The following DPYD variants were observed in gnomAD, a reference collection of about 807,000 sequenced individuals.
The protein encoded by DPYD is dihydropyrimidine dehydrogenase [NADP(+)].
DPYD carries 109 observed loss-of-function variants against 116.2 expected under a neutral mutation model. The observed-to-expected ratio is 0.94, with a 90% confidence interval of 0.80 to 1.10. The LOEUF is 1.10. DPYD is among the 50% of genes least tolerant of loss of function. The probability of loss-of-function intolerance (pLI) is 0.00; values close to 1 mark genes in which losing one functional copy is unlikely to be tolerated. For missense variants in DPYD, 1,302 were observed against 1,254.5 expected, an observed-to-expected ratio of 1.04 and a Z score of -0.57; for synonymous variants, 440 against 432.0, an observed-to-expected ratio of 1.02 and a Z score of -0.23.
intron 2 of DPYD, among the ~76,000 whole-genome samples, chr1:97,850,492 T>C (rs1369773938): frequency 6.6e-6 from 1 of 152,176 alleles, no homozygotes; most frequent in African/African-American, 2.4e-5. Context: ...ATTTGGTCCT[T>C]TGATTCAACA....
chr1:97,649,852 T>C (rs1161724933), intron 8 of DPYD, among the ~76,000 whole-genome samples: 3 of 152,142 alleles, frequency 2.0e-5, no homozygotes, highest in Non-Finnish European at 4.4e-5. Context: ...GGTTCCATAG[T>C]TGGCAAAGAT....
At chr1:97,899,831 T>A (rs1234832687) in intron 1 of DPYD, among the ~76,000 whole-genome samples, 1 of 151,950 alleles carries the variant, frequency 6.6e-6, no homozygotes, top group Admixed American at 6.6e-5. Flanking sequence ...CAGATACTCC[T>A]GAATAAATCA....
Position 97,565,414 on chromosome 1 carries a change from A to C in DPYD, c.1339+8346T>G, listed in dbSNP as rs78594188. Among the ~76,000 whole-genome samples the C allele has an allele frequency of 1.9e-3, 286 of 152,266 alleles. 2 individuals carry two copies. The highest frequency in any genetic ancestry group is 6.7e-3 in the African/African-American group (277 of 41,562). On this transcript the variant is annotated intron_variant, in intron 11 of 22. Coordinates refer to ENST00000370192, the MANE Select transcript of DPYD (RefSeq NM_000110.4). ...CCTGCATGTCTACAGCATAAAATTC[A>C]AAATCCCTACTTTAGCATATAATCC...
At chr1:97,362,595 C>G (rs1449524209) in intron 16 of DPYD, among the ~76,000 whole-genome samples, 1 of 152,068 alleles carries the variant, frequency 6.6e-6, no homozygotes, top group Non-Finnish European at 1.5e-5. Context: ...ATACTGGTAC[C>G]AAAAGAGCTA....
intron 20 of DPYD, among the ~76,000 whole-genome samples, chr1:97,181,052 G>A (rs970077332): frequency 6.6e-6 from 1 of 152,130 alleles, no homozygotes; most frequent in African/African-American, 2.4e-5. Flanking sequence ...CTCAGACATG[G>A]AAGTGGAAAT....
intron 20 of DPYD, among the ~76,000 whole-genome samples, chr1:97,177,746 C>G (rs1379255437): frequency 5.3e-5 from 8 of 152,084 alleles, no homozygotes; most frequent in Admixed American, 2.6e-4. Context: ...TGCTGGATAT[C>G]CTCCTAACTT....
intron 14 of DPYD, among the ~76,000 whole-genome samples, chr1:97,439,009 C>T (rs1675611843): frequency 6.6e-6 from 1 of 152,024 alleles, no homozygotes; most frequent in Non-Finnish European, 1.5e-5. Context: ...TAGTTGTAGG[C>T]TTTGTTGTAC....
chr1:97,720,967 C>A, intron 5 of DPYD: 1 of 1,597,052 alleles, frequency 6.3e-7, no homozygotes. Context: ...CATTTTATTT[C>A]CTTATACATT....
intron 16 of DPYD, among the ~76,000 whole-genome samples, chr1:97,309,243 A>T (rs1448722601): frequency 6.6e-6 from 1 of 151,756 alleles, no homozygotes; most frequent in African/African-American, 2.4e-5. Context: ...GTCTACGTAG[A>T]TCACAAAGGC....
At chr1:97,582,227 CAT>C (rs1277140757) in intron 10 of DPYD, among the ~76,000 whole-genome samples, 8 of 152,184 alleles carry the variant, frequency 5.3e-5, no homozygotes, top group Non-Finnish European at 2.9e-5. Flanking sequence ...TTAGAGACCA[CAT>C]GTTAATCTGG....
Position 97,305,292 on chromosome 1 carries a change from T to C in DPYD, c.2266A>G (p.Ile756Val). 1 of 1,612,414 alleles carries C rather than the reference T, an allele frequency of 6.2e-7. No homozygotes were observed. The highest frequency in any genetic ancestry group is 1.1e-5 in the South Asian group (1 of 91,060). ...CCTCCATATGTAGTTCGCTTTGCAATCCCCACTGCTGGCCAAGGTGTGCCA... is the reference window on the plus strand; with the variant it reads ...CCTCCATATGTAGTTCGCTTTGCAACCCCCACTGCTGGCCAAGGTGTGCCA... The part of the protein sequence containing the change: ...SDGTPWPAVG[I>V]AKRTTYGGVS... Residue 756 changes from isoleucine to valine, a missense_variant, in exon 18 of 23, where the codon ATT becomes GTT. Ile to Val is a conservative substitution (Grantham distance 29). Transcript: ENST00000370192.
chr1:97,779,440 A>G (rs1666610175), intron 3 of DPYD, among the ~76,000 whole-genome samples: 1 of 152,094 alleles, frequency 6.6e-6, no homozygotes, highest in Admixed American at 6.5e-5. Context: ...AATTTACAAG[A>G]AGACAAAATA....
At chr1:97,668,550 C>T (rs955357697) in intron 8 of DPYD, among the ~76,000 whole-genome samples, 43 of 151,972 alleles carry the variant, frequency 2.8e-4, no homozygotes, top group Admixed American at 2.2e-3. Context: ...TTTTCTGTAA[C>T]ATATAATTGC....
intron 4 of DPYD, among the ~76,000 whole-genome samples, chr1:97,729,117 G>A (rs1016245609): frequency 6.6e-6 from 1 of 152,034 alleles, no homozygotes; most frequent in African/African-American, 2.4e-5. Flanking sequence ...ATACATGTAA[G>A]GAAATTAATA....
intron 13 of DPYD, among the ~76,000 whole-genome samples, chr1:97,477,056 G>C (rs887308816): frequency 2.0e-5 from 3 of 152,142 alleles, no homozygotes. Context: ...TCAGGATGGT[G>C]GTTGCTGAAG....
chr1:97,905,679 C>CCTGTGG (rs1673580027), intron 1 of DPYD, among the ~76,000 whole-genome samples: 1 of 152,000 alleles, frequency 6.6e-6, no homozygotes, highest in Non-Finnish European at 1.5e-5. Context: ...GATTAGACGC[C>CCTGTGG]ATTCATACCT....
intron 3 of DPYD, among the ~76,000 whole-genome samples, chr1:97,802,664 A>G (rs1557973339): frequency 6.6e-6 from 1 of 151,922 alleles, no homozygotes; most frequent in Admixed American, 6.6e-5. Flanking sequence ...CTCCCTTAGT[A>G]TAGAAGTCCC....
chr1:97,293,919 G>A (rs1398566485), intron 18 of DPYD, among the ~76,000 whole-genome samples: 1 of 152,052 alleles, frequency 6.6e-6, no homozygotes, highest in East Asian at 1.9e-4. Context: ...CTGAACTCCA[G>A]CTTGGGTGAC....
chr1:97,577,219 T>C (rs551442806), intron 10 of DPYD, among the ~76,000 whole-genome samples: 100 of 152,282 alleles, frequency 6.6e-4, no homozygotes, highest in Non-Finnish European at 1.3e-3. Flanking sequence ...TCCAATTCTA[T>C]ACTCTACCTC....
Sources: gnomAD v4.1 joint callset for allele counts (sites outside exome capture counted in the v4.1 genomes callset) on GRCh38, gnomAD v4.1.1 for gene constraint, MANE v1.5 for transcripts, NCBI Gene and HGNC (gene_info 2026-07-23, HGNC 2026-07-21) for gene names.